EHMT1: variants seen among roughly 807,000 people sequenced by gnomAD.
EHMT1 encodes histone-lysine N-methyltransferase EHMT1.
In EHMT1, 15 loss-of-function variants were observed where a neutral mutation model predicts 147.2. The ratio of observed to expected loss-of-function variants is 0.10; its 90% CI spans 0.07 to 0.16. EHMT1 has a LOEUF of 0.16. Among genes scored for constraint, EHMT1 ranks in the 10% least tolerant of loss-of-function variants. The pLI is 1.00. For missense variants in EHMT1, 1,587 were observed against 1,772.4 expected (o/e 0.90, Z 1.88); for synonymous variants, 795 against 709.6 (o/e 1.12, Z -1.91).
At chr9:137,707,863 A>T (rs1333923852) in intron 1 of EHMT1, among the ~76,000 whole-genome samples, 2 of 152,100 alleles carry the variant, frequency 1.3e-5, no homozygotes, top group African/African-American at 4.8e-5. Flanking sequence ...CTGCCCTGCC[A>T]TGCTCCACCC....
At chr9:137,809,173 T>C (rs1021545370) in intron 18 of EHMT1, among the ~76,000 whole-genome samples, 1 of 152,178 alleles carries the variant, frequency 6.6e-6, no homozygotes, top group Non-Finnish European at 1.5e-5. Context: ...AAGGGAACAG[T>C]GAAGCCCATG....
At chr9:137,662,258 T>G (rs1194342082) in intron 1 of EHMT1, among the ~76,000 whole-genome samples, 1 of 152,166 alleles carries the variant, frequency 6.6e-6, no homozygotes, top group Non-Finnish European at 1.5e-5. Flanking sequence ...AGTACAGTGT[T>G]GAGATCTTGG....
At chr9:137,807,962 T>C (rs1954090010) in intron 18 of EHMT1, among the ~76,000 whole-genome samples, 1 of 152,224 alleles carries the variant, frequency 6.6e-6, no homozygotes, top group South Asian at 2.1e-4. Context: ...TGGGTGGGTT[T>C]TGCAAAACTT....
At position 137,635,744 on chromosome 9, in the gene EHMT1, T is replaced by C. The variant is rs867575548; in HGVS notation, c.21+16695T>C. Among the ~76,000 whole-genome samples, 389 of 150,622 alleles carry C rather than the reference T, an allele frequency of 2.6e-3. 1 individual carries two copies. The highest frequency in any genetic ancestry group is 0.01 in the Middle Eastern group (3 of 288). On this transcript the variant is annotated intron_variant, in intron 1 of 26. Transcript: ENST00000460843. ...CTGAGGCAGGAGAATGGCATGAACC[T>C]GGGAGGCGGAGCTTGCAGTGAGCTG...
At chr9:137,673,453 A>T (rs904369057) in intron 1 of EHMT1, among the ~76,000 whole-genome samples, 3 of 151,994 alleles carry the variant, frequency 2.0e-5, no homozygotes, top group African/African-American at 7.2e-5. Context: ...TGAAGAGGAG[A>T]TGGGTGTCCT....
intron 1 of EHMT1, among the ~76,000 whole-genome samples, chr9:137,677,557 G>T (rs970232813): frequency 2.0e-5 from 3 of 151,838 alleles, no homozygotes; most frequent in African/African-American, 7.3e-5. Context: ...TCCCGAGTTG[G>T]TGGGACTATA....
chr9:137,746,562 C>T (rs1948557668), intron 6 of EHMT1: 1 of 152,182 alleles, frequency 6.6e-6, no homozygotes, highest in African/African-American at 2.4e-5. Context: ...TCTTCTAATA[C>T]TTCTTTTATT....
At position 137,710,963 on chromosome 9, in the gene EHMT1, A is replaced by G; in HGVS notation, c.22-4A>G. The G allele has an allele frequency of 6.3e-7, 1 of 1,595,926 alleles. No individual in the cohort carries two copies. Among genetic ancestry groups the G allele is most frequent in the Non-Finnish European group, 8.5e-7 (1 of 1,171,936 alleles). ...GGCTGACGGCTGTTGTTTCTCTCTA[A>G]CAGGCAGTTCCGGCGAGGGGGGAGC... On this transcript the variant is annotated splice_region_variant and splice_polypyrimidine_tract_variant and intron_variant, in intron 1 of 26. Transcript: ENST00000460843.
intron 3 of EHMT1, among the ~76,000 whole-genome samples, chr9:137,722,196 A>G (rs1417047525): frequency 6.6e-6 from 1 of 152,066 alleles, no homozygotes; most frequent in Non-Finnish European, 1.5e-5. Flanking sequence ...TTTTATTCTC[A>G]TATATTTTTA....
intron 16 of EHMT1, among the ~76,000 whole-genome samples, chr9:137,794,445 T>C (rs1419415938): frequency 2.6e-5 from 4 of 151,972 alleles, no homozygotes; most frequent in African/African-American, 4.8e-5. Flanking sequence ...GTGAGGAGTT[T>C]GAGATCAGCC....
rs549685887 is a variant in EHMT1, at chr9:137,695,688, G to C, written c.22-15279G>C. Among the ~76,000 whole-genome samples, 248 of 152,306 alleles carry C rather than the reference G, an allele frequency of 1.6e-3. 1 individual carries two copies. The highest frequency in any genetic ancestry group is 5.5e-3 in the African/African-American group (228 of 41,570). The stretch of plus-strand genomic sequence containing the variant: ...ACCCATGTGTGGCCTCCCGGGTGGC[G>C]TGGGCCCCTCACACACAGTGGCTAG... On this transcript the variant is annotated intron_variant, in intron 1 of 26. Transcript: ENST00000460843.
rs765795592 is a variant in EHMT1 at position 137,811,453 on chromosome 9, C to G, written c.2713-8C>G. 1.2e-5 allele frequency: 20 copies of G among 1,612,154 alleles called. No individual in the cohort carries two copies. Among genetic ancestry groups the G allele is most frequent in the Middle Eastern group, 1.7e-4 (1 of 6,046 alleles). On this transcript the variant is annotated splice_polypyrimidine_tract_variant and splice_region_variant and intron_variant, in intron 18 of 26. Transcript: ENST00000460843. ...GCCTGCACTGAGCTCTGGCTTGTGTCTGTTCAGGAGGAGAACATTTGCCTG... is the reference window on the plus strand; with the variant it reads ...GCCTGCACTGAGCTCTGGCTTGTGTGTGTTCAGGAGGAGAACATTTGCCTG...
At chr9:137,713,042 C>G (rs933396407) in intron 2 of EHMT1, among the ~76,000 whole-genome samples, 3 of 152,054 alleles carry the variant, frequency 2.0e-5, no homozygotes, top group Non-Finnish European at 2.9e-5. Flanking sequence ...CCTTTCTTCC[C>G]TCATTGAATT....
In EHMT1 at chr9:137,782,392, G is replaced by A. The variant is rs764584215; in HGVS notation, c.2377G>A (p.Val793Ile). 2.5e-6 allele frequency: 4 copies of A among 1,608,936 alleles called. No individual in the cohort carries two copies. In the South Asian group the frequency reaches 4.4e-5, roughly 18 times the overall value. The change falls in exon 15 of 27, where the codon GTT (valine) becomes ATT (isoleucine). Residue 793 changes from valine to isoleucine, a missense_variant. By Grantham distance (29) the Val-to-Ile change is conservative. Coordinates refer to ENST00000460843, the MANE Select transcript of EHMT1 (RefSeq NM_024757.5). The surrounding 1 kb of genome is among the most constrained non-coding windows in gnomAD (Gnocchi z 5.7). ...AGHVDICHML[V>I]QAGANIDTCS... The stretch of plus-strand genomic sequence containing the variant: ...ACACGTGGACATCTGCCACATGCTG[G>A]TTCAGGTGCGGCGGCACGGCGCCCT...
At chr9:137,647,023 A>G (rs1844939992) in intron 1 of EHMT1, among the ~76,000 whole-genome samples, 1 of 152,042 alleles carries the variant, frequency 6.6e-6, no homozygotes, top group Admixed American at 6.6e-5. Context: ...TTTCACCAGC[A>G]TTTGTTATCA....
chr9:137,715,273 C>T (rs1167639780), intron 2 of EHMT1, among the ~76,000 whole-genome samples: 1 of 152,208 alleles, frequency 6.6e-6, no homozygotes, highest in African/African-American at 2.4e-5. Flanking sequence ...TTAGCATTTA[C>T]ATATACATCT....
intron 16 of EHMT1, among the ~76,000 whole-genome samples, chr9:137,798,293 G>A (rs868785320): frequency 2.6e-5 from 4 of 152,094 alleles, no homozygotes; most frequent in African/African-American, 9.7e-5. Flanking sequence ...TCCCAGCTAC[G>A]TGGGAGGCTG....
At chr9:137,824,144 G>A (rs1245971283) in intron 25 of EHMT1, among the ~76,000 whole-genome samples, 1 of 152,092 alleles carries the variant, frequency 6.6e-6, no homozygotes, top group Non-Finnish European at 1.5e-5. Flanking sequence ...ACACTGGCAC[G>A]CTCCTGTAAT....
At chr9:137,814,367 G>C in intron 21 of EHMT1, 64 bp from the exon 22 acceptor site, 2 of 1,549,490 alleles carry the variant, frequency 1.3e-6, no homozygotes, top group Non-Finnish European at 1.8e-6. Flanking sequence ...ACGTAGTTGT[G>C]ACTGGGAGGG....
Sources: allele counts gnomAD v4.1 joint callset (sites outside exome capture counted in the v4.1 genomes callset), GRCh38; gene constraint gnomAD v4.1.1; non-coding constraint Gnocchi (gnomAD v3.1); transcripts MANE v1.5; gene names NCBI Gene and HGNC (gene_info 2026-07-23, HGNC 2026-07-21).